REDIC1: variants seen among roughly 807,000 people sequenced by gnomAD.
The protein encoded by REDIC1 is regulator of DNA class I crossover intermediates 1, also known as HEI10 Interacting Protein 1.
the REDIC1 span, among the ~76,000 whole-genome samples, chr12:39,714,686 G>T: frequency 2.6e-5 from 4 of 151,824 alleles, no homozygotes; most frequent in African/African-American, 9.7e-5. Flanking sequence ...CACCAGCAAT[G>T]TAGAAGTGTT....
the REDIC1 span, among the ~76,000 whole-genome samples, chr12:39,626,943 G>T: frequency 1.3e-5 from 2 of 152,138 alleles, no homozygotes; most frequent in Non-Finnish European, 2.9e-5. Context: ...GTGATAGATT[G>T]AAAATTTAGT....
At chr12:39,847,700 CAGAG>C in the REDIC1 span, among the ~76,000 whole-genome samples, 284 of 152,062 alleles carry the variant, frequency 1.9e-3, 2 homozygotes, top group African/African-American at 6.4e-3. Context: ...TTTCACATGA[CAGAG>C]AGAGAGAAAG....
the REDIC1 span, among the ~76,000 whole-genome samples, chr12:39,783,011 C>A: frequency 6.6e-6 from 1 of 152,028 alleles, no homozygotes; most frequent in African/African-American, 2.4e-5. Context: ...TTAATGCTAT[C>A]CCTCCCCGCT....
the REDIC1 span, among the ~76,000 whole-genome samples, chr12:39,727,781 A>G: frequency 6.6e-6 from 1 of 152,198 alleles, no homozygotes; most frequent in East Asian, 1.9e-4. Context: ...CTTCCTATCC[A>G]CGAGCATGGA....
the REDIC1 span, among the ~76,000 whole-genome samples, chr12:39,859,617 GGTT>G: frequency 6.6e-6 from 1 of 152,076 alleles, no homozygotes; most frequent in Non-Finnish European, 1.5e-5. Context: ...CTACCTCCTG[GGTT>G]CAAGTGATTC....
the REDIC1 span, among the ~76,000 whole-genome samples, chr12:39,767,384 G>A: frequency 2.0e-5 from 3 of 151,196 alleles, no homozygotes; most frequent in African/African-American, 7.3e-5. Flanking sequence ...AAGTGCTGTC[G>A]TCCAGGTTTT....
the REDIC1 span, among the ~76,000 whole-genome samples, chr12:39,905,364 C>T: frequency 2.0e-5 from 3 of 152,164 alleles, no homozygotes; most frequent in East Asian, 5.8e-4. Flanking sequence ...CTGCACAGTG[C>T]GCTGTGGGCC....
the REDIC1 span, among the ~76,000 whole-genome samples, chr12:39,670,743 C>CTT: frequency 6.8e-6 from 1 of 146,000 alleles, no homozygotes; most frequent in African/African-American, 2.5e-5. Flanking sequence ...ATTTCTTCTT[C>CTT]TTTTTTTTTT....
At chr12:39,802,277 C>G in the REDIC1 span, 1 of 152,122 alleles carries the variant, frequency 6.6e-6, no homozygotes, top group Non-Finnish European at 1.5e-5. Flanking sequence ...TATTATGTAG[C>G]CTGTCATTCA....
At chr12:39,828,712 G>GT in the REDIC1 span, among the ~76,000 whole-genome samples, 2,037 of 149,798 alleles carry the variant, frequency 0.014, 45 homozygotes, top group African/African-American at 0.044. Flanking sequence ...TAGTAACTTA[G>GT]TTTTTTTTTT....
At chr12:39,730,009 T>C in the REDIC1 span, among the ~76,000 whole-genome samples, 25 of 152,252 alleles carry the variant, frequency 1.6e-4, no homozygotes, top group African/African-American at 6.0e-4. Flanking sequence ...TCTATTTGCT[T>C]GGTAAATATT....
the REDIC1 span, among the ~76,000 whole-genome samples, chr12:39,902,458 CAA>C: frequency 0.012 from 1,781 of 152,074 alleles, 21 homozygotes; most frequent in Middle Eastern, 0.027. Context: ...AATGTTATTT[CAA>C]TACTCAGTTC....
At chr12:39,840,091 G>A in the REDIC1 span, among the ~76,000 whole-genome samples, 1 of 151,986 alleles carries the variant, frequency 6.6e-6, no homozygotes, top group East Asian at 1.9e-4. Flanking sequence ...GAGTGCAATG[G>A]TGTGATCTTG....
the REDIC1 span, among the ~76,000 whole-genome samples, chr12:39,871,501 AT>A: frequency 8.3e-6 from 1 of 120,488 alleles, no homozygotes. Context: ...AAAAACAATT[AT>A]TTTTTTTCAC....
the REDIC1 span, among the ~76,000 whole-genome samples, chr12:39,730,555 G>T: frequency 8.5e-5 from 13 of 152,170 alleles, no homozygotes; most frequent in Non-Finnish European, 2.9e-5. Flanking sequence ...TTCCCTTTGT[G>T]AGTAACCTGA....
At chr12:39,723,027 C>T in the REDIC1 span, among the ~76,000 whole-genome samples, 17 of 152,014 alleles carry the variant, frequency 1.1e-4, no homozygotes, top group African/African-American at 3.9e-4. Context: ...TGATTGAGAC[C>T]CAGTAAAGAC....
At chr12:39,737,948 T>G in the REDIC1 span, among the ~76,000 whole-genome samples, 1 of 152,242 alleles carries the variant, frequency 6.6e-6, no homozygotes, top group Non-Finnish European at 1.5e-5. Flanking sequence ...TGATTAACTA[T>G]GCACATAAAA....
At chr12:39,719,321 G>A in the REDIC1 span, among the ~76,000 whole-genome samples, 1 of 152,076 alleles carries the variant, frequency 6.6e-6, no homozygotes, top group Non-Finnish European at 1.5e-5. Context: ...AAGTATTTAT[G>A]AACAAAGATA....
chr12:39,841,004 C>G, the REDIC1 span, among the ~76,000 whole-genome samples: 1 of 152,118 alleles, frequency 6.6e-6, no homozygotes, highest in African/African-American at 2.4e-5. Context: ...TGAATCACAC[C>G]ATGAATTGTT....
Sources: gnomAD v4.1 joint callset for allele counts (sites outside exome capture counted in the v4.1 genomes callset) on GRCh38, gnomAD v4.1.1 for gene constraint, MANE v1.5 for transcripts, NCBI Gene and HGNC (gene_info 2026-07-23, HGNC 2026-07-21) for gene names.